Variants in HPSE2 observed in about 807,000 individuals in gnomAD.
HPSE2 encodes the protein heparanase 2 (inactive).
In HPSE2, 38 loss-of-function variants were observed where a neutral mutation model predicts 60.5. The observed-to-expected ratio is 0.63, with a 90% CI of 0.48 to 0.82. HPSE2 has a LOEUF of 0.82. Ranked by LOEUF, HPSE2 falls within the 40% of genes least tolerant of loss-of-function variation. The pLI is 0.00. For synonymous variants in HPSE2, 295 were observed against 293.2 expected (o/e 1.01, Z -0.06); for missense variants, 713 against 740.4 (o/e 0.96, Z 0.43).
chr10:98,883,699 G>A lies in HPSE2; in HGVS notation c.611-139643C>T, dbSNP rs576946090. On this transcript the variant is annotated intron_variant, in intron 3 of 11. Coordinates refer to ENST00000370552, the MANE Select transcript of HPSE2 (RefSeq NM_021828.5). ...TGTGCTTGTAGTGCCAGCTAGTCGG[G>A]AGGCTGAGGCTGGAGGATTGCTTGA... is the stretch of plus-strand genomic sequence containing the variant. 4.8e-3 allele frequency among the ~76,000 whole-genome samples: 733 copies of A among 152,198 alleles called. 7 individuals are homozygous for A. The highest frequency in any genetic ancestry group is 7.0e-3 in the Non-Finnish European group (479 of 68,006).
At chr10:98,840,237 T>C (rs1251517221) in intron 3 of HPSE2, among the ~76,000 whole-genome samples, 1 of 152,164 alleles carries the variant, frequency 6.6e-6, no homozygotes, top group Non-Finnish European at 1.5e-5. Flanking sequence ...TGGGCGGGAT[T>C]ATATGGTAGA....
chr10:98,810,892 G>A (rs1951155649), intron 3 of HPSE2, among the ~76,000 whole-genome samples: 1 of 152,080 alleles, frequency 6.6e-6, no homozygotes, highest in African/African-American at 2.4e-5. Context: ...GTTTGGACAA[G>A]TTTTTTTAGA....
chr10:99,040,492 C>T (rs77706357), intron 3 of HPSE2, among the ~76,000 whole-genome samples: 2,360 of 152,144 alleles, frequency 0.016, 58 homozygotes, highest in African/African-American at 0.054. Flanking sequence ...CTTCTATATT[C>T]GTATCCATTT....
At chr10:99,197,027 G>A (rs574894811) in intron 2 of HPSE2, among the ~76,000 whole-genome samples, 23 of 152,232 alleles carry the variant, frequency 1.5e-4, no homozygotes, top group African/African-American at 5.5e-4. Flanking sequence ...ACACAATGGA[G>A]TACTATTCAG....
At chr10:99,146,017 T>C (rs1381145844) in intron 2 of HPSE2, among the ~76,000 whole-genome samples, 3 of 152,198 alleles carry the variant, frequency 2.0e-5, no homozygotes, top group African/African-American at 7.2e-5. Flanking sequence ...ATTTCTTGAA[T>C]ATGGGTAATA....
In HPSE2 at chr10:98,577,958, G is replaced by A. The variant is rs138735526; in HGVS notation, c.1320+36946C>T. ...AATTCTTTCATTATTTGATAAGATT[G>A]GGAAAACTTTTATCCTTGATGGAAA... On this transcript the variant is annotated intron_variant, in intron 9 of 11. Coordinates refer to ENST00000370552, the MANE Select transcript of HPSE2 (RefSeq NM_021828.5). Among the ~76,000 whole-genome samples the A allele has an allele frequency of 4.7e-3, 711 of 152,202 alleles. 8 individuals are homozygous for A. Among genetic ancestry groups the A allele is most frequent in the African/African-American group, 0.016 (682 of 41,536 alleles).
intron 8 of HPSE2, among the ~76,000 whole-genome samples, chr10:98,616,635 C>T (rs993921655): frequency 6.6e-6 from 1 of 151,922 alleles, no homozygotes; most frequent in Non-Finnish European, 1.5e-5. Flanking sequence ...AAAAAACTAA[C>T]AAATATTTAC....
intron 3 of HPSE2, among the ~76,000 whole-genome samples, chr10:98,947,505 G>A (rs1341889137): frequency 6.6e-6 from 1 of 152,130 alleles, no homozygotes; most frequent in Non-Finnish European, 1.5e-5. Context: ...AGAGGCAGCG[G>A]ATAAATTCCC....
chr10:99,257,378 T>C, the HPSE2 span, among the ~76,000 whole-genome samples: 5 of 152,176 alleles, frequency 3.3e-5, no homozygotes, highest in Non-Finnish European at 7.3e-5. Context: ...TGAATTCTTT[T>C]TCTCAGCAAG....
Position 99,120,952 on chromosome 10 carries a change from A to G in HPSE2, c.610+23286T>C, listed in dbSNP as rs180886335. On this transcript the variant is annotated intron_variant, in intron 3 of 11. Coordinates refer to ENST00000370552, the MANE Select transcript of HPSE2 (RefSeq NM_021828.5). Reference sequence around the variant, plus strand: ...TACCATTCAACCCAGCAATCCCATTACTGGTTATATACCCAAAAGAATGTA... The same window carrying G: ...TACCATTCAACCCAGCAATCCCATTGCTGGTTATATACCCAAAAGAATGTA... Among the ~76,000 whole-genome samples, 28 of 152,358 alleles carry G rather than the reference A, an allele frequency of 1.8e-4. No homozygotes were observed. The East Asian group carries it at 4.2e-3, about 23-fold the overall frequency.
chr10:98,481,512 T>C (rs1358482884), intron 11 of HPSE2, among the ~76,000 whole-genome samples: 1 of 152,094 alleles, frequency 6.6e-6, no homozygotes, highest in Non-Finnish European at 1.5e-5. Flanking sequence ...CCTGCTGACA[T>C]AGGTAGGACC....
intron 6 of HPSE2, among the ~76,000 whole-genome samples, chr10:98,663,847 T>G (rs778695753): frequency 1.3e-5 from 2 of 152,092 alleles, no homozygotes; most frequent in Non-Finnish European, 2.9e-5. Flanking sequence ...GTGGTCACAG[T>G]CATGGTGCCA....
chr10:99,034,165 TGATTTATGCAACAACATA>T (rs1224953806), intron 3 of HPSE2, among the ~76,000 whole-genome samples: 1 of 152,200 alleles, frequency 6.6e-6, no homozygotes, highest in African/African-American at 2.4e-5. Flanking sequence ...GAACAAACTA[TGATTTATGCAACAACATA>T]GATAAATAAT....
intron 2 of HPSE2, among the ~76,000 whole-genome samples, chr10:99,209,164 T>C (rs1235915981): frequency 6.6e-6 from 1 of 152,274 alleles, no homozygotes; most frequent in South Asian, 2.1e-4. Flanking sequence ...ATATAAAACA[T>C]TCCATCCAAC....
intron 3 of HPSE2, among the ~76,000 whole-genome samples, chr10:98,821,099 T>C (rs553502191): frequency 2.6e-4 from 40 of 152,170 alleles, no homozygotes; most frequent in Non-Finnish European, 5.1e-4. Flanking sequence ...ATACAGAACT[T>C]TCATGGTTTA....
At position 98,961,820 on chromosome 10, in the gene HPSE2, G is replaced by A. The variant is rs1484646340; in HGVS notation, c.610+182418C>T. The stretch of plus-strand genomic sequence containing the variant: ...TTTTGGACATGAAGTCATTGCCCAC[G>A]CCTATGTCCTGAATGGTAATGCCTA... On this transcript the variant is annotated intron_variant, in intron 3 of 11. Transcript: ENST00000370552. 1.2e-3 allele frequency among the ~76,000 whole-genome samples: 11 copies of A among 9,434 alleles called. 1 individual carries two copies. The highest frequency in any genetic ancestry group is 3.3e-3 in the African/African-American group (9 of 2,698). The allele number at this position is 9,434 out of a possible 152,430, so 6.2% of individuals were successfully genotyped here.
the HPSE2 span, among the ~76,000 whole-genome samples, chr10:99,267,801 C>CA: frequency 2.5e-4 from 37 of 145,622 alleles, no homozygotes; most frequent in South Asian, 6.7e-4. Flanking sequence ...AAAAAACAAA[C>CA]AAAAAAAAAC....
intron 3 of HPSE2, among the ~76,000 whole-genome samples, chr10:99,099,576 G>A (rs1242652562): frequency 6.6e-6 from 1 of 152,238 alleles, no homozygotes; most frequent in East Asian, 1.9e-4. Flanking sequence ...GCAGGGCATA[G>A]CTGAACAAAA....
intron 3 of HPSE2, among the ~76,000 whole-genome samples, chr10:99,103,664 C>G (rs902509150): frequency 4.6e-5 from 7 of 152,234 alleles, no homozygotes; most frequent in Non-Finnish European, 8.8e-5. Context: ...AAAAGAGAGC[C>G]CGCATTGCCA....
Sources: allele counts gnomAD v4.1 joint callset (sites outside exome capture counted in the v4.1 genomes callset), GRCh38; gene constraint gnomAD v4.1.1; transcripts MANE v1.5; gene names NCBI Gene and HGNC (gene_info 2026-07-23, HGNC 2026-07-21).